SIN3A: variants seen among roughly 807,000 people sequenced by gnomAD.
SIN3A encodes the protein paired amphipathic helix protein Sin3a.
In SIN3A, 14 loss-of-function variants were observed where a neutral mutation model predicts 146.1. The observed-to-expected ratio is 0.10, with a 90% CI of 0.06 to 0.15. The LOEUF (loss-of-function observed/expected upper bound fraction) is 0.15. Among genes scored for constraint, SIN3A ranks in the 10% least tolerant of loss-of-function variants. The pLI, the probability that SIN3A is intolerant of heterozygous loss-of-function variation, is 1.00. For synonymous variants in SIN3A, 572 were observed against 572.0 expected (o/e 1.00, Z 0.00); for missense variants, 1,028 against 1,576.0 (o/e 0.65, Z 5.89).
chr15:75,425,557 C>T (rs1349404301), intron 2 of SIN3A, among the ~76,000 whole-genome samples: 1 of 152,164 alleles, frequency 6.6e-6, no homozygotes, highest in Non-Finnish European at 1.5e-5. Context: ...GATGGTTTGG[C>T]CTCAAACAAA....
chr15:75,373,754 TAAA>T (rs1011963776), intron 20 of SIN3A, among the ~76,000 whole-genome samples: 2 of 132,324 alleles, frequency 1.5e-5, no homozygotes, highest in Admixed American at 7.6e-5. Context: ...CTATTTTCAT[TAAA>T]AAAAAAAAAA....
intron 2 of SIN3A, among the ~76,000 whole-genome samples, chr15:75,429,291 T>G (rs1203326209): frequency 6.6e-6 from 1 of 152,036 alleles, no homozygotes; most frequent in Non-Finnish European, 1.5e-5. Flanking sequence ...CATGGTGGTG[T>G]GCACCTGTAG....
In SIN3A at chr15:75,411,856, A is replaced by C. The variant is rs2073646608; in HGVS notation, c.757-113T>G. 3 of 1,167,234 alleles carry C rather than the reference A, an allele frequency of 2.6e-6. No homozygotes were observed. In the African/African-American group the frequency reaches 4.6e-5, roughly 18 times the overall value. The allele number at this position is 1,167,234 out of a possible 1,614,324, so 72.3% of individuals were successfully genotyped here. ...ACGTATATCCTTTATTTACTCACTC[A>C]GGCCAGGTCATTTTAGTCCAACACA... On this transcript the variant is annotated intron_variant, in intron 5 of 20. Transcript: ENST00000394947.
chr15:75,453,335 C>T (rs1015203574), upstream of SIN3A: 5 of 152,356 alleles, frequency 3.3e-5, no homozygotes, highest in African/African-American at 1.2e-4. Context: ...TGCCCCAGGA[C>T]AGAGCTCTAA....
At position 75,372,152 on chromosome 15, in the gene SIN3A, A is replaced by G; in HGVS notation, c.3649T>C (p.Trp1217Arg). The stretch of plus-strand genomic sequence containing the variant: ...TCACGGGGCACATGCTCCTTGGTCC[A>G]TTTATCTACCCAGGCCTGGAATCTC... ...HQRFQAWVDKWTKEHVPREMA... is the reference protein window; with the variant it reads ...HQRFQAWVDKRTKEHVPREMA... The change falls in exon 21 of 21, where the codon TGG (tryptophan) becomes CGG (arginine). Residue 1217 changes from tryptophan to arginine, a missense_variant. Around this residue, in one of 9 missense-constraint regions of SIN3A, gnomAD observed 488 missense variants for 690.2 expected, o/e 0.71. Coordinates refer to ENST00000394947, the MANE Select transcript of SIN3A (RefSeq NM_001145358.2). The G allele has an allele frequency of 6.2e-7, 1 of 1,614,034 alleles. No homozygotes were observed. The highest frequency in any genetic ancestry group is 8.5e-7 in the Non-Finnish European group (1 of 1,180,002).
At chr15:75,436,139 A>AG (rs1381937366) in intron 1 of SIN3A, among the ~76,000 whole-genome samples, 1 of 151,606 alleles carries the variant, frequency 6.6e-6, no homozygotes, top group African/African-American at 2.4e-5. Context: ...GTCTCAAAAA[A>AG]AAAACAAAAA....
upstream of SIN3A, chr15:75,453,223 G>A (rs926596594): frequency 6.6e-6 from 1 of 152,452 alleles, no homozygotes; most frequent in Non-Finnish European, 1.5e-5. Flanking sequence ...CAGCAGGTGG[G>A]CCTGACTCCA....
intron 1 of SIN3A, among the ~76,000 whole-genome samples, chr15:75,438,136 G>A (rs920663253): frequency 3.9e-5 from 6 of 152,148 alleles, no homozygotes; most frequent in Admixed American, 6.5e-5. Context: ...TGAGGCAGGC[G>A]GATCACTTGA....
At chr15:75,406,383 C>G (rs1014137464) in intron 9 of SIN3A, among the ~76,000 whole-genome samples, 1 of 152,206 alleles carries the variant, frequency 6.6e-6, no homozygotes, top group Non-Finnish European at 1.5e-5. Context: ...ATAACTATCA[C>G]AGCAATAAGA....
At chr15:75,377,382 T>C (rs2072880894) in intron 19 of SIN3A, among the ~76,000 whole-genome samples, 1 of 152,134 alleles carries the variant, frequency 6.6e-6, no homozygotes, top group Admixed American at 6.5e-5. Context: ...CCCAGCACTC[T>C]GGGAGGCTGA....
At chr15:75,373,739 C>T (rs934909763) in intron 20 of SIN3A, among the ~76,000 whole-genome samples, 22 of 149,344 alleles carry the variant, frequency 1.5e-4, no homozygotes, top group African/African-American at 4.9e-4. Flanking sequence ...AAGGAGACCC[C>T]GTGTCTATTT....
At chr15:75,403,070 C>T (rs1355252623) in intron 9 of SIN3A, among the ~76,000 whole-genome samples, 1 of 152,164 alleles carries the variant, frequency 6.6e-6, no homozygotes, top group African/African-American at 2.4e-5. Flanking sequence ...GAATTGGGAA[C>T]CGCTAAAGCT....
At chr15:75,435,715 A>T (rs1046055829) in intron 1 of SIN3A, among the ~76,000 whole-genome samples, 1 of 151,162 alleles carries the variant, frequency 6.6e-6, no homozygotes, top group Non-Finnish European at 1.5e-5. Flanking sequence ...AAAAAAAAAA[A>T]GAAGAAGAAA....
intron 1 of SIN3A, among the ~76,000 whole-genome samples, chr15:75,450,735 C>T (rs1158340968): frequency 2.0e-5 from 3 of 152,236 alleles, no homozygotes; most frequent in African/African-American, 4.8e-5. Flanking sequence ...CTCCACAGCT[C>T]CCAGTCGGCG....
intron 19 of SIN3A, among the ~76,000 whole-genome samples, chr15:75,379,282 TC>T (rs2072921891): frequency 6.6e-6 from 1 of 152,170 alleles, no homozygotes; most frequent in Admixed American, 6.5e-5. Context: ...ACTAGTATAA[TC>T]CATATAAACA....
intron 13 of SIN3A, among the ~76,000 whole-genome samples, chr15:75,395,770 T>C (rs2073290052): frequency 6.6e-6 from 1 of 152,084 alleles, no homozygotes; most frequent in African/African-American, 2.4e-5. Context: ...CTGGGTGTGG[T>C]GGCACATTCC....
intron 17 of SIN3A, among the ~76,000 whole-genome samples, chr15:75,382,750 A>C (rs1378138047): frequency 3.9e-5 from 6 of 151,992 alleles, no homozygotes; most frequent in East Asian, 3.9e-4. Flanking sequence ...AGTTTGAGAC[A>C]AGCCTGCCCA....
chr15:75,422,958 C>G, intron 2 of SIN3A, 135 bp from the exon 3 acceptor site: 2 of 786,410 alleles, frequency 2.5e-6, no homozygotes, highest in South Asian at 3.6e-5. Flanking sequence ...ATGGCTCACA[C>G]CTATCTCACC....
At position 75,422,688 on chromosome 15, in the gene SIN3A, C is replaced by G. The variant is rs772076968; in HGVS notation, c.325G>C (p.Val109Leu). 3 of 1,614,202 alleles carry G rather than the reference C, an allele frequency of 1.9e-6. No individual in the cohort carries two copies. The highest frequency in any genetic ancestry group is 2.5e-6 in the Non-Finnish European group (3 of 1,180,034). The change falls in exon 3 of 21, where the codon GTT becomes CTT. Residue 109 changes from valine (V) to leucine (L), a missense_variant. Physicochemically the swap from Val to Leu is conservative, Grantham distance 32 (BLOSUM62 1). Coordinates refer to ENST00000394947, the MANE Select transcript of SIN3A (RefSeq NM_001145358.2). ...TGCTGCTGTCCCTGCACTGGTGCAA[C>G]TGGTGGGGCTGGATGAGCATGACTC... ...VQSHAHPAPP[V>L]APVQGQQQFQ...
Sources: gnomAD v4.1 joint callset for allele counts (sites outside exome capture counted in the v4.1 genomes callset) on GRCh38, gnomAD v4.1.1 for gene constraint, gnomAD v4.1.1 regional missense constraint, MANE v1.5 for transcripts, NCBI Gene and HGNC (gene_info 2026-07-23, HGNC 2026-07-21) for gene names.